Variants in MAP3K15 observed in about 807,000 individuals in gnomAD.
The protein encoded by MAP3K15 is mitogen-activated protein kinase kinase kinase 15.
A neutral mutation model predicts 99.5 loss-of-function variants in MAP3K15; 124 were observed. The observed-to-expected ratio is 1.25, with a 90% CI of 1.08 to 1.45. MAP3K15 has a LOEUF of 1.45. Ranked by LOEUF, MAP3K15 falls within the 40% of genes most tolerant of loss-of-function variation. The pLI, the probability that MAP3K15 is intolerant of heterozygous loss-of-function variation, is 0.00. For synonymous variants in MAP3K15, 494 were observed against 439.6 expected, an observed-to-expected ratio of 1.12 and a Z score of -1.55; for missense variants, 1,242 against 1,079.7, an observed-to-expected ratio of 1.15 and a Z score of -2.11.
At chrX:19,370,531 G>A (rs2063366888) in intron 24 of MAP3K15, among the ~76,000 whole-genome samples, 1 of 111,103 alleles carries the variant, frequency 9.0e-6, no homozygotes, top group Non-Finnish European at 1.9e-5. Flanking sequence ...GAGTAGCTGG[G>A]ATTACAGGCA....
intron 3 of MAP3K15, among the ~76,000 whole-genome samples, chrX:19,479,134 T>C (rs1326981960): frequency 2.7e-5 from 3 of 111,763 alleles, no homozygotes; most frequent in East Asian, 5.6e-4. Flanking sequence ...TATAATGTGG[T>C]GGATATGCAG....
chrX:19,390,602 G>A (rs931049862), intron 18 of MAP3K15, among the ~76,000 whole-genome samples: 25 of 105,496 alleles, frequency 2.4e-4, no homozygotes, highest in Non-Finnish European at 9.7e-5. Context: ...GTAGAGATGG[G>A]GTTCTCCCTA....
chrX:19,363,796 G>A (rs2063315368), intron 25 of MAP3K15, among the ~76,000 whole-genome samples: 1 of 110,795 alleles, frequency 9.0e-6, no homozygotes, highest in Non-Finnish European at 1.9e-5. Context: ...GGGACTACAG[G>A]CATGCGCCAC....
chrX:19,361,511 A>C lies in MAP3K15; in HGVS notation c.3762T>G (p.Asp1254Glu), dbSNP rs772494786. The C allele has an allele frequency of 4.1e-6, 5 of 1,210,730 alleles. No homozygotes were observed. Among genetic ancestry groups the C allele is most frequent in the Non-Finnish European group, 3.4e-6 (3 of 894,325 alleles). ...AATTTACCTTTTCAATTGTCTTTGC[A>C]TCAGCTCCTTGCAGCCGCAACCAGT... ...LIDWLRLQGA[D>E]AKTIEKIVEE... The change falls in exon 27 of 29, where the codon GAT (aspartate) becomes GAG (glutamate). Residue 1254 changes from aspartate (D) to glutamate (E), a missense_variant. Asp to Glu is a conservative substitution (Grantham distance 45, BLOSUM62 2). Coordinates refer to ENST00000338883, the MANE Select transcript of MAP3K15 (RefSeq NM_001001671.4).
At chrX:19,387,262 T>G (rs2063499394) in intron 18 of MAP3K15, among the ~76,000 whole-genome samples, 1 of 111,763 alleles carries the variant, frequency 8.9e-6, no homozygotes, top group Admixed American at 9.5e-5. Flanking sequence ...CAGGGGGCTG[T>G]AAGGTGTGGG....
chrX:19,478,364 A>C lies in MAP3K15; in HGVS notation c.525+8118T>G, dbSNP rs184902109. On this transcript the variant is annotated intron_variant, in intron 3 of 28. Coordinates refer to ENST00000338883, the MANE Select transcript of MAP3K15 (RefSeq NM_001001671.4). Reference sequence around the variant, plus strand: ...AAATCTTTTGAACTCAGAAAATCCAAAGGATACAGAAAAGAGAAAAGAAAC... The same window carrying C: ...AAATCTTTTGAACTCAGAAAATCCACAGGATACAGAAAAGAGAAAAGAAAC... Among the ~76,000 whole-genome samples the C allele has an allele frequency of 1.9e-3, 200 of 106,315 alleles. 2 individuals carry two copies. Among genetic ancestry groups the C allele is most frequent in the African/African-American group, 6.6e-3 (192 of 29,106 alleles). The allele number at this position is 106,315 out of a possible 115,157, so 92.3% of individuals were successfully genotyped here.
intron 1 of MAP3K15, among the ~76,000 whole-genome samples, chrX:19,500,506 C>T (rs932371771): frequency 2.7e-5 from 3 of 110,916 alleles, no homozygotes; most frequent in African/African-American, 9.9e-5. Flanking sequence ...CTGCCACAAA[C>T]CCCAATTCCT....
In MAP3K15 at chrX:19,370,946, AG is replaced by A. The variant is rs750354797; in HGVS notation, c.3400+12del. ...GGCCTAAAGCTGACCTTGACCACAA[AG>A]GGGGCGCTCACCTGGGATGAGAATG... On this transcript the variant is annotated intron_variant, in intron 24 of 28. Coordinates refer to ENST00000338883, the MANE Select transcript of MAP3K15 (RefSeq NM_001001671.4). 1 of 1,165,307 alleles carries A rather than the reference AG, an allele frequency of 8.6e-7. No individual in the cohort carries two copies. The highest frequency in any genetic ancestry group is 1.2e-6 in the Non-Finnish European group (1 of 860,648).
intron 25 of MAP3K15, among the ~76,000 whole-genome samples, chrX:19,365,621 C>T (rs2063329462): frequency 8.9e-6 from 1 of 112,635 alleles, no homozygotes; most frequent in African/African-American, 3.2e-5. Flanking sequence ...ATACCTAGTA[C>T]ATGGGATTTG....
rs186556009 is a variant in MAP3K15, at chrX:19,393,734, C to T, written c.2195-1261G>A. On this transcript the variant is annotated intron_variant, in intron 16 of 28. Transcript: ENST00000338883. ...CTACTTTATTTATTCTAACATAACC[C>T]TGAAAATCTAGCCCACTGCCTGGCT... Among the ~76,000 whole-genome samples the T allele has an allele frequency of 2.3e-4, 24 of 105,170 alleles. No homozygotes were observed. In the Admixed American group the frequency reaches 2.4e-3, roughly 10 times the overall value. The allele number at this position is 105,170 out of a possible 115,157, so 91.3% of individuals were successfully genotyped here.
chrX:19,413,438 C>T lies in MAP3K15; in HGVS notation c.1617G>A (p.Val539=), dbSNP rs781755578. The T allele has an allele frequency of 8.3e-7, 1 of 1,205,355 alleles. No homozygotes were observed. The highest frequency in any genetic ancestry group is 1.1e-6 in the Non-Finnish European group (1 of 892,639). ...TTATGGAAACATAAGAAGGCTGGTA[C>T]ACTTTGGTTGGCTCTATGACCAGAA... The part of the protein sequence containing the change: ...FPVLVIEPTK[V]YQPSYVSINN... The change falls in exon 11 of 29, where the codon GTG becomes GTA. Residue 539 remains valine, a synonymous_variant. Transcript: ENST00000338883.
intron 18 of MAP3K15, among the ~76,000 whole-genome samples, chrX:19,386,934 G>C (rs1490080690): frequency 9.0e-6 from 1 of 111,475 alleles, no homozygotes; most frequent in Non-Finnish European, 1.9e-5. Flanking sequence ...GGCAACTCAA[G>C]CCACTCAATA....
intron 7 of MAP3K15, among the ~76,000 whole-genome samples, chrX:19,430,184 A>C (rs1201411894): frequency 8.9e-6 from 1 of 112,214 alleles, no homozygotes; most frequent in African/African-American, 3.2e-5. Flanking sequence ...GCTTTGACCA[A>C]TAGCATGTGG....
At chrX:19,399,599 T>C (rs2063592783) in intron 14 of MAP3K15, among the ~76,000 whole-genome samples, 1 of 108,755 alleles carries the variant, frequency 9.2e-6, no homozygotes, top group Admixed American at 9.9e-5. Context: ...CCAGGCGTGG[T>C]GGCGGGTGCC....
At chrX:19,503,426 G>C (rs1338004471) in intron 1 of MAP3K15, among the ~76,000 whole-genome samples, 2 of 111,705 alleles carry the variant, frequency 1.8e-5, no homozygotes, top group Non-Finnish European at 3.8e-5. Context: ...TATTCAGCAA[G>C]TTATCTTCTT....
At chrX:19,373,801 G>T (rs1018280798) in intron 20 of MAP3K15, 106 bp from the exon 21 acceptor site, 1 of 883,876 alleles carries the variant, frequency 1.1e-6, no homozygotes, top group East Asian at 3.3e-5. Flanking sequence ...CAGGCACCCA[G>T]GATCCTGTAG....
At chrX:19,474,619 CA>C (rs1160600479) in intron 3 of MAP3K15, among the ~76,000 whole-genome samples, 1 of 103,570 alleles carries the variant, frequency 9.7e-6, no homozygotes, top group Non-Finnish European at 2.0e-5. Flanking sequence ...TGAAACATAA[CA>C]TTTCCCTCAC....
In MAP3K15 at chrX:19,416,286, G is replaced by A. The variant is rs1052330681; in HGVS notation, c.1440-1029C>T. ...ACGGAGGTTGCAGTGAGCTGAGATT[G>A]TGCCACTGCACTCCAGCCTGGGCAA... On this transcript the variant is annotated intron_variant, in intron 9 of 28. Coordinates refer to ENST00000338883, the MANE Select transcript of MAP3K15 (RefSeq NM_001001671.4). Among the ~76,000 whole-genome samples the A allele has an allele frequency of 1.8e-5, 2 of 110,593 alleles. 1 individual carries two copies. Among genetic ancestry groups the A allele is most frequent in the Admixed American group, 1.9e-4 (2 of 10,351 alleles).
At chrX:19,449,783 G>A (rs2064025058) in intron 6 of MAP3K15, among the ~76,000 whole-genome samples, 2 of 109,571 alleles carry the variant, frequency 1.8e-5, no homozygotes, top group East Asian at 2.8e-4. Context: ...TTATTAGAAC[G>A]ATGTTCTGGT....
Sources: gnomAD v4.1 joint callset for allele counts (sites outside exome capture counted in the v4.1 genomes callset) on GRCh38, gnomAD v4.1.1 for gene constraint, MANE v1.5 for transcripts, NCBI Gene and HGNC (gene_info 2026-07-23, HGNC 2026-07-21) for gene names.